The following ADGRB3 variants were observed in gnomAD, a reference collection of about 807,000 sequenced individuals.
The protein encoded by ADGRB3 is adhesion G protein-coupled receptor B3.
ADGRB3 carries 37 observed loss-of-function variants against 193.4 expected under a neutral mutation model. That is an observed-to-expected ratio of 0.19 (90% confidence interval 0.15 to 0.25). The LOEUF is 0.25. Among genes scored for constraint, ADGRB3 ranks in the 10% least tolerant of loss-of-function variants. The pLI is 1.00. For missense variants in ADGRB3, 1,637 were observed against 1,852.9 expected, an observed-to-expected ratio of 0.88 and a Z score of 2.14; for synonymous variants, 690 against 644.2, an observed-to-expected ratio of 1.07 and a Z score of -1.08.
At chr6:69,136,634 A>AT (rs3839467) in intron 17 of ADGRB3, among the ~76,000 whole-genome samples, 5 of 151,322 alleles carry the variant, frequency 3.3e-5, no homozygotes, top group African/African-American at 1.2e-4. Context: ...TCAACCCACC[A>AT]TTTTTTTTTC....
chr6:68,884,331 CAAAT>C (rs1448860939), intron 3 of ADGRB3, among the ~76,000 whole-genome samples: 10 of 152,016 alleles, frequency 6.6e-5, no homozygotes, highest in Non-Finnish European at 8.8e-5. Flanking sequence ...CATAATTACA[CAAAT>C]AAATAGAAAC....
intron 24 of ADGRB3, among the ~76,000 whole-genome samples, chr6:69,336,669 GTA>G (rs1227922917): frequency 2.0e-5 from 3 of 151,850 alleles, no homozygotes; most frequent in Non-Finnish European, 4.4e-5. Context: ...GCCCTGGTGG[GTA>G]TATTGGTTAA....
At chr6:68,806,087 A>C (rs902047796) in intron 3 of ADGRB3, among the ~76,000 whole-genome samples, 2 of 152,204 alleles carry the variant, frequency 1.3e-5, no homozygotes, top group African/African-American at 4.8e-5. Context: ...TCACTCATTT[A>C]CCAGATGTTT....
chr6:69,293,899 A>C (rs536177724), intron 20 of ADGRB3, among the ~76,000 whole-genome samples: 1 of 151,452 alleles, frequency 6.6e-6, no homozygotes, highest in East Asian at 1.9e-4. Flanking sequence ...GAACATAGAC[A>C]GGAAGGAACA....
chr6:68,834,427 A>G (rs1042608203), intron 3 of ADGRB3, among the ~76,000 whole-genome samples: 36 of 152,306 alleles, frequency 2.4e-4, no homozygotes, highest in African/African-American at 7.5e-4. Context: ...TAATGGTACT[A>G]TGCTTAGAAT....
chr6:68,688,950 G>C (rs1474436417), intron 3 of ADGRB3, among the ~76,000 whole-genome samples: 1 of 152,008 alleles, frequency 6.6e-6, no homozygotes, highest in Non-Finnish European at 1.5e-5. Flanking sequence ...TCAGATTATA[G>C]ATTTCTTCCA....
chr6:69,114,838 G>GA (rs1773481856), intron 17 of ADGRB3, among the ~76,000 whole-genome samples: 1 of 152,086 alleles, frequency 6.6e-6, no homozygotes, highest in Non-Finnish European at 1.5e-5. Context: ...ACAAACATAT[G>GA]AAAAAATGCT....
At chr6:69,382,137 G>T (rs1195248840) in intron 30 of ADGRB3, among the ~76,000 whole-genome samples, 4 of 151,848 alleles carry the variant, frequency 2.6e-5, no homozygotes, top group Non-Finnish European at 5.9e-5. Flanking sequence ...TGAGGAGTAT[G>T]AATATATTTG....
intron 3 of ADGRB3, among the ~76,000 whole-genome samples, chr6:68,854,073 GAC>G (rs1478857842): frequency 6.6e-6 from 1 of 152,120 alleles, no homozygotes; most frequent in African/African-American, 2.4e-5. Context: ...CTCCTATCCA[GAC>G]ACAGTCTCAG....
At chr6:69,176,923 A>T (rs1775442238) in intron 17 of ADGRB3, among the ~76,000 whole-genome samples, 1 of 152,170 alleles carries the variant, frequency 6.6e-6, no homozygotes, top group South Asian at 2.1e-4. Context: ...GCATATAGGT[A>T]TTCATAATAG....
At position 68,974,874 on chromosome 6, in the gene ADGRB3, G is replaced by A. The variant is rs1768696723; in HGVS notation, c.1627+10G>A. The A allele has an allele frequency of 1.2e-6, 2 of 1,606,940 alleles. No individual in the cohort carries two copies. The highest frequency in any genetic ancestry group is 1.7e-6 in the Non-Finnish European group (2 of 1,173,964). On this transcript the variant is annotated intron_variant, in intron 9 of 31. Transcript: ENST00000370598. ...CCCCTGAATGCCACAGGTACAGTAG[G>A]ATGACCCACCCAAACCCTAGTGATA... is the stretch of plus-strand genomic sequence containing the variant.
intron 13 of ADGRB3, among the ~76,000 whole-genome samples, chr6:69,031,519 C>CTCTTTATTTCTTTCTTTCTTTCTT (rs1770685850): frequency 1.4e-4 from 3 of 21,270 alleles, no homozygotes; most frequent in African/African-American, 3.6e-4. Flanking sequence ...TTTGAGTTGT[C>CTCTTTATTTCTTTCTTTCTTTCTT]TCTTTCTTTC....
chr6:68,833,776 C>A (rs1328980635), intron 3 of ADGRB3, among the ~76,000 whole-genome samples: 1 of 151,848 alleles, frequency 6.6e-6, no homozygotes, highest in East Asian at 1.9e-4. Flanking sequence ...CATCATTTAA[C>A]CCTATATTAC....
At chr6:68,730,534 A>G (rs1272996044) in intron 3 of ADGRB3, among the ~76,000 whole-genome samples, 1 of 151,654 alleles carries the variant, frequency 6.6e-6, no homozygotes, top group African/African-American at 2.4e-5. Flanking sequence ...AATGATACAC[A>G]CGGATAAATT....
At chr6:68,691,697 A>T (rs1407037526) in intron 3 of ADGRB3, among the ~76,000 whole-genome samples, 3 of 151,936 alleles carry the variant, frequency 2.0e-5, no homozygotes, top group Admixed American at 2.0e-4. Context: ...ACATATGAGC[A>T]TCAGGTCACT....
At chr6:69,331,160 C>T (rs905115275) in intron 23 of ADGRB3, among the ~76,000 whole-genome samples, 3 of 152,056 alleles carry the variant, frequency 2.0e-5, no homozygotes, top group African/African-American at 7.2e-5. Flanking sequence ...TTCCAATGGT[C>T]CCGGGGGGTC....
intron 8 of ADGRB3, among the ~76,000 whole-genome samples, chr6:68,971,343 CTG>C (rs1768562342): frequency 6.6e-6 from 1 of 152,260 alleles, no homozygotes; most frequent in African/African-American, 2.4e-5. Context: ...TTCCAGGACC[CTG>C]TGTCTACTAA....
At chr6:69,207,313 AC>A (rs1765560326) in intron 17 of ADGRB3, among the ~76,000 whole-genome samples, 1 of 152,028 alleles carries the variant, frequency 6.6e-6, no homozygotes, top group South Asian at 2.1e-4. Context: ...TTGATTCTGG[AC>A]CCCACTCAAA....
At chr6:69,169,337 C>T (rs778955830) in intron 17 of ADGRB3, among the ~76,000 whole-genome samples, 40 of 152,004 alleles carry the variant, frequency 2.6e-4, no homozygotes, top group Non-Finnish European at 3.7e-4. Flanking sequence ...AATATAACTT[C>T]GTATTAGAGT....
Sources: allele counts gnomAD v4.1 joint callset (sites outside exome capture counted in the v4.1 genomes callset), GRCh38; gene constraint gnomAD v4.1.1; transcripts MANE v1.5; gene names NCBI Gene and HGNC (gene_info 2026-07-23, HGNC 2026-07-21).